Variants in CNTN5 observed in about 807,000 individuals in gnomAD.
CNTN5 encodes the protein contactin 5.
A neutral mutation model predicts 129.1 loss-of-function variants in CNTN5; 77 were observed. The ratio of observed to expected loss-of-function variants is 0.60; its 90% CI spans 0.50 to 0.72. The LOEUF is 0.72. Among genes scored for constraint, CNTN5 ranks in the 30% least tolerant of loss-of-function variants. CNTN5 has a pLI of 0.00. For missense variants in CNTN5, 1,478 were observed against 1,328.8 expected, an observed-to-expected ratio of 1.11 and a Z score of -1.75; for synonymous variants, 509 against 465.6, an observed-to-expected ratio of 1.09 and a Z score of -1.20.
At chr11:100,199,236 C>T (rs1041922117) in intron 15 of CNTN5, among the ~76,000 whole-genome samples, 2 of 151,088 alleles carry the variant, frequency 1.3e-5, no homozygotes, top group African/African-American at 2.5e-5. Context: ...CTCACAGTCT[C>T]TTAGACTCAT....
At chr11:99,585,147 C>G (rs1365000044) in intron 3 of CNTN5, among the ~76,000 whole-genome samples, 1 of 152,142 alleles carries the variant, frequency 6.6e-6, no homozygotes, top group Non-Finnish European at 1.5e-5. Context: ...ATCTATAAGA[C>G]AGATGAAAGG....
At chr11:100,060,395 TA>T (rs905057666) in intron 9 of CNTN5, among the ~76,000 whole-genome samples, 1 of 151,978 alleles carries the variant, frequency 6.6e-6, no homozygotes, top group Non-Finnish European at 1.5e-5. Context: ...AATTTATATT[TA>T]AAAAATAACA....
intron 1 of CNTN5, among the ~76,000 whole-genome samples, chr11:99,244,700 T>C (rs557182122): frequency 1.2e-4 from 19 of 152,278 alleles, no homozygotes; most frequent in African/African-American, 4.3e-4. Flanking sequence ...TCCTACTACA[T>C]ACATGCAAAA....
At chr11:99,042,857 G>A (rs61891106) in intron 1 of CNTN5, among the ~76,000 whole-genome samples, 8,066 of 148,972 alleles carry the variant, frequency 0.054, 290 homozygotes, top group Non-Finnish European at 0.08. Context: ...AAGAATTCAC[G>A]TTTTCATTGA....
intron 3 of CNTN5, among the ~76,000 whole-genome samples, chr11:99,780,688 A>G (rs1945281865): frequency 6.6e-6 from 1 of 152,092 alleles, no homozygotes; most frequent in Non-Finnish European, 1.5e-5. Context: ...TTTTGTTATA[A>G]AAATACTTCA....
intron 2 of CNTN5, among the ~76,000 whole-genome samples, chr11:99,413,155 C>A (rs1404688536): frequency 6.6e-6 from 1 of 151,926 alleles, no homozygotes. Context: ...CATCAAAGCA[C>A]CCTGAAAAAA....
At position 100,289,978 on chromosome 11, in the gene CNTN5, C is replaced by G. The variant is rs1289033389; in HGVS notation, c.2315-7647C>G. ...TTATACACCAACAACAGACAGAGAG[C>G]CAAATCATGAGTGAACTCCCATTCA... On this transcript the variant is annotated intron_variant, in intron 18 of 24. Coordinates refer to ENST00000524871, the MANE Select transcript of CNTN5 (RefSeq NM_014361.4). 4.6e-5 allele frequency among the ~76,000 whole-genome samples: 7 copies of G among 150,974 alleles called. No homozygotes were observed. In the East Asian group the frequency reaches 7.8e-4, roughly 17 times the overall value.
At chr11:100,231,027 AT>A (rs1274959007) in intron 16 of CNTN5, among the ~76,000 whole-genome samples, 1 of 152,224 alleles carries the variant, frequency 6.6e-6, no homozygotes, top group African/African-American at 2.4e-5. Flanking sequence ...GTGGGCTTGT[AT>A]TTTAAAATCC....
rs951999386 is a variant in CNTN5, at chr11:99,614,990, G to C, written c.55+58721G>C. ...GTGTGTGTAGGTAGGTAGGGAGACA[G>C]ATAAATATAGAAGTAATACTATATC... On this transcript the variant is annotated intron_variant, in intron 3 of 24. Transcript: ENST00000524871. Among the ~76,000 whole-genome samples, 3 of 150,364 alleles carry C rather than the reference G, an allele frequency of 2.0e-5. No individual in the cohort carries two copies. The Admixed American group carries it at 2.0e-4, about 10-fold the overall frequency.
At chr11:99,160,885 A>T (rs1195268650) in intron 1 of CNTN5, among the ~76,000 whole-genome samples, 1 of 152,222 alleles carries the variant, frequency 6.6e-6, no homozygotes, top group Non-Finnish European at 1.5e-5. Context: ...GGGCAGAAAG[A>T]TGATGAATGA....
intron 1 of CNTN5, among the ~76,000 whole-genome samples, chr11:99,269,954 C>A (rs2135853062): frequency 6.6e-6 from 1 of 151,910 alleles, no homozygotes; most frequent in African/African-American, 2.4e-5. Context: ...GGAAAAAATG[C>A]AGAAGAAAAA....
intron 6 of CNTN5, among the ~76,000 whole-genome samples, chr11:99,884,135 T>C (rs1023311121): frequency 6.6e-6 from 1 of 152,178 alleles, no homozygotes; most frequent in African/African-American, 2.4e-5. Context: ...CCTGAATCTA[T>C]ATTCAGAAAT....
chr11:99,611,925 G>A (rs1950603810), intron 3 of CNTN5, among the ~76,000 whole-genome samples: 1 of 152,118 alleles, frequency 6.6e-6, no homozygotes, highest in Non-Finnish European at 1.5e-5. Flanking sequence ...AATGAAGGAG[G>A]TATTTTGTGG....
rs933051340 is a variant in CNTN5, at chr11:99,281,120, C to T, written c.-209-44226C>T. Among the ~76,000 whole-genome samples, 4 of 151,532 alleles carry T rather than the reference C, an allele frequency of 2.6e-5. No individual in the cohort carries two copies. The Admixed American group carries it at 2.6e-4, about 10-fold the overall frequency. ...ATAAGCATAGATAACAAGAAAATGT[C>T]AAAGACAGGTTACTGAATAGAATTA... On this transcript the variant is annotated intron_variant, in intron 1 of 24. Coordinates refer to ENST00000524871, the MANE Select transcript of CNTN5 (RefSeq NM_014361.4).
chr11:99,625,432 G>A (rs1368220803), intron 3 of CNTN5, among the ~76,000 whole-genome samples: 10 of 152,094 alleles, frequency 6.6e-5, no homozygotes, highest in Non-Finnish European at 1.3e-4. Context: ...GTCAGTGGAG[G>A]TTCTACTAAT....
At chr11:99,135,624 T>C (rs114209594) in intron 1 of CNTN5, among the ~76,000 whole-genome samples, 1,286 of 103,158 alleles carry the variant, frequency 0.012, 22 homozygotes, top group African/African-American at 0.048. Context: ...ATGCCTTCTT[T>C]GATTGTCATA....
At chr11:99,684,402 A>C (rs2134736895) in intron 3 of CNTN5, among the ~76,000 whole-genome samples, 1 of 151,852 alleles carries the variant, frequency 6.6e-6, no homozygotes, top group Non-Finnish European at 1.5e-5. Context: ...CCACTTAACA[A>C]CTGTAATTAT....
intron 24 of CNTN5, among the ~76,000 whole-genome samples, chr11:100,351,803 A>C (rs1308485629): frequency 6.6e-6 from 1 of 151,608 alleles, no homozygotes; most frequent in Non-Finnish European, 1.5e-5. Flanking sequence ...ATTGCCAAGC[A>C]GAATTATCAA....
chr11:100,006,165 A>G (rs1940178077), intron 9 of CNTN5, among the ~76,000 whole-genome samples: 1 of 152,160 alleles, frequency 6.6e-6, no homozygotes, highest in African/African-American at 2.4e-5. Context: ...ACGTTGATTT[A>G]AAAATATTTT....
Sources: allele counts gnomAD v4.1 joint callset (sites outside exome capture counted in the v4.1 genomes callset), GRCh38; gene constraint gnomAD v4.1.1; transcripts MANE v1.5; gene names NCBI Gene and HGNC (gene_info 2026-07-23, HGNC 2026-07-21).